The following GTF3C5 variants were observed in gnomAD, a reference collection of about 807,000 sequenced individuals.
The protein encoded by GTF3C5 is general transcription factor 3C polypeptide 5.
GTF3C5 carries 47 observed loss-of-function variants against 61.0 expected under a neutral mutation model. The observed-to-expected ratio is 0.77, with a 90% CI of 0.61 to 0.98. The LOEUF (loss-of-function observed/expected upper bound fraction) is 0.98. GTF3C5 is among the 50% of genes least tolerant of loss of function. The pLI is 0.00. For missense variants in GTF3C5, 659 were observed against 703.3 expected (o/e 0.94, Z 0.71); for synonymous variants, 295 against 275.4 (o/e 1.07, Z -0.71).
intron 2 of GTF3C5, among the ~76,000 whole-genome samples, chr9:133,042,941 G>A (rs559651032): frequency 1.4e-4 from 22 of 152,308 alleles, no homozygotes; most frequent in African/African-American, 3.1e-4. Context: ...TTAGGCCCTC[G>A]TGAAGATTCC....
intron 5 of GTF3C5, among the ~76,000 whole-genome samples, chr9:133,053,002 TTC>T (rs1850432253): frequency 6.6e-6 from 1 of 151,998 alleles, no homozygotes; most frequent in African/African-American, 2.4e-5. Flanking sequence ...CCAGCTAATT[TTC>T]TTTTTTTGCA....
chr9:133,043,974 A>G, intron 3 of GTF3C5, 48 bp downstream of exon 3: 1 of 1,431,258 alleles, frequency 7.0e-7, no homozygotes. Context: ...TGAAAATGGG[A>G]TGGTCCGGGC....
Position 133,043,880 on chromosome 9 carries a change from C to A in GTF3C5, c.526C>A (p.Leu176Met). Reference protein sequence around the residue: ...LYIPPPIFSRLDAPVDYFYRP... With the variant: ...LYIPPPIFSRMDAPVDYFYRP... Reference sequence around the variant, plus strand: ...CATCCCCCCACCCATCTTCTCCCGGCTGGACGCCCCGGTGGACTACTTCTA... The same window carrying A: ...CATCCCCCCACCCATCTTCTCCCGGATGGACGCCCCGGTGGACTACTTCTA... The change falls in exon 3 of 11, where the codon CTG becomes ATG. Residue 176 changes from leucine to methionine, a missense_variant. Transcript: ENST00000372097. The A allele has an allele frequency of 1.2e-6, 2 of 1,614,150 alleles. No homozygotes were observed. Among genetic ancestry groups the A allele is most frequent in the East Asian group, 4.5e-5 (2 of 44,880 alleles).
intron 5 of GTF3C5, 93 bp downstream of exon 5, chr9:133,052,257 C>T (rs888602674): frequency 1.6e-5 from 11 of 677,074 alleles, no homozygotes; most frequent in Non-Finnish European, 2.7e-5. Context: ...TAAGAGCAGC[C>T]AACCCCCTAT....
At position 133,056,096 on chromosome 9, in the gene GTF3C5, TA is replaced by T; in HGVS notation, c.1250+3del. On this transcript the variant is annotated splice_donor_region_variant and intron_variant, in intron 9 of 10. Coordinates refer to ENST00000372097, the MANE Select transcript of GTF3C5 (RefSeq NM_012087.4). The stretch of plus-strand genomic sequence containing the variant: ...GTTATGCGACTTGAATGTGGAAGAG[TA>T]CGTATGGGAGGGGCCCTGAGACACT... The T allele has an allele frequency of 6.2e-7, 1 of 1,613,090 alleles. No individual in the cohort carries two copies. The highest frequency in any genetic ancestry group is 1.1e-5 in the South Asian group (1 of 91,036).
At position 133,031,027 on chromosome 9, in the gene GTF3C5, G is replaced by C; in HGVS notation, c.16G>C (p.Ala6Pro). MAAEA[A>P]DLGLGAAVPV... Reference sequence around the variant, plus strand: ...ACGCACAGGGATGGCGGCGGAGGCGGCCGATTTGGGGCTGGGGGCCGCCGT... The same window carrying C: ...ACGCACAGGGATGGCGGCGGAGGCGCCCGATTTGGGGCTGGGGGCCGCCGT... Residue 6 changes from alanine (A) to proline (P), a missense_variant, in exon 1 of 11, where the codon GCC (alanine) becomes CCC (proline). By Grantham distance (27) the Ala-to-Pro change is conservative. Coordinates refer to ENST00000372097, the MANE Select transcript of GTF3C5 (RefSeq NM_012087.4). 1 of 1,612,158 alleles carries C rather than the reference G, an allele frequency of 6.2e-7. No homozygotes were observed. Among genetic ancestry groups the C allele is most frequent in the Non-Finnish European group, 8.5e-7 (1 of 1,179,144 alleles).
upstream of GTF3C5, chr9:133,030,985 C>G (rs200212860): frequency 1.2e-6 from 2 of 1,611,514 alleles, no homozygotes; most frequent in African/African-American, 1.3e-5. Flanking sequence ...GGGACGGACC[C>G]TGGCGGGCCC....
intron 4 of GTF3C5, 32 bp from the exon 5 acceptor site, chr9:133,052,028 C>A: frequency 1.7e-6 from 2 of 1,185,442 alleles, no homozygotes; most frequent in Non-Finnish European, 2.5e-6. Context: ...GCTGCTGGTG[C>A]TCATCTCAGC....
chr9:133,054,881 C>A (rs1487667407), intron 8 of GTF3C5, 72 bp downstream of exon 8: 2 of 1,537,128 alleles, frequency 1.3e-6, no homozygotes, highest in South Asian at 1.2e-5. Flanking sequence ...GTGGGTGACA[C>A]CTGGGGGGCT....
Position 133,057,886 on chromosome 9 carries a change from A to G in GTF3C5, c.1466A>G (p.Glu489Gly). ...ACGTACGAGTCTGGGGAAGACGAGG[A>G]GGATGAGGAGGAGGAGGAAGAGGAG... ...QLTYESGEDE[E>G]DEEEEEEEEE... The change falls in exon 11 of 11, where the codon GAG becomes GGG. Residue 489 changes from glutamate (E) to glycine (G), a missense_variant. Transcript: ENST00000372097. 1 of 1,613,648 alleles carries G rather than the reference A, an allele frequency of 6.2e-7. No homozygotes were observed. The highest frequency in any genetic ancestry group is 8.5e-7 in the Non-Finnish European group (1 of 1,179,852).
rs542900216 is a variant in GTF3C5 at position 133,040,558 on chromosome 9, A to G, written c.154-1529A>G. ...CTTGGGGTTTTTAAGGAGAGGGACCAAAAAGAGTGTTGGTATTCAGTTTCA... is the reference window on the plus strand; with the variant it reads ...CTTGGGGTTTTTAAGGAGAGGGACCGAAAAGAGTGTTGGTATTCAGTTTCA... On this transcript the variant is annotated intron_variant, in intron 1 of 10. Transcript: ENST00000372097. Among the ~76,000 whole-genome samples the G allele has an allele frequency of 2.5e-3, 376 of 152,374 alleles. 2 individuals carry two copies. The highest frequency in any genetic ancestry group is 5.6e-3 in the South Asian group (27 of 4,834).
Position 133,054,484 on chromosome 9 carries a change from G to A in GTF3C5, c.1065G>A (p.Lys355=). 6.2e-7 allele frequency: 1 copy of A among 1,614,036 alleles called. No individual in the cohort carries two copies. The highest frequency in any genetic ancestry group is 1.6e-4 in the Middle Eastern group (1 of 6,062). ...ACAGCCTCCCCATCACCGTCAAGAA[G>A]ACATGTAAGCGTGCCAGGCGCCTTT... ...YNYSLPITVK[K]TSSQLVTMHD... The change falls in exon 7 of 11, where the codon AAG becomes AAA. Residue 355 remains lysine, a synonymous_variant. Coordinates refer to ENST00000372097, the MANE Select transcript of GTF3C5 (RefSeq NM_012087.4).
At chr9:133,047,908 T>C (rs940010188) in intron 3 of GTF3C5, among the ~76,000 whole-genome samples, 1 of 152,216 alleles carries the variant, frequency 6.6e-6, no homozygotes, top group Non-Finnish European at 1.5e-5. Context: ...GAGGATCGCT[T>C]GAGCCCAGAA....
chr9:133,046,929 C>G (rs1478257999), intron 3 of GTF3C5, among the ~76,000 whole-genome samples: 1 of 152,086 alleles, frequency 6.6e-6, no homozygotes, highest in Non-Finnish European at 1.5e-5. Flanking sequence ...GAGTGAAGAC[C>G]AGTGCCTAGG....
Position 133,056,747 on chromosome 9 carries a change from A to C in GTF3C5, c.1251-19A>C, listed in dbSNP as rs751912315. ...ACCCGCCCTGGGACTTTATGTCCCA[A>C]CCCTCTCCCCACCCCCAGGTTGCAG... On this transcript the variant is annotated intron_variant, in intron 9 of 10. Transcript: ENST00000372097. 1.3e-6 allele frequency: 2 copies of C among 1,581,518 alleles called. No homozygotes were observed. Among genetic ancestry groups the C allele is most frequent in the African/African-American group, 2.7e-5 (2 of 73,780 alleles).
At chr9:133,052,233 T>C in intron 5 of GTF3C5, 69 bp downstream of exon 5, 1 of 818,080 alleles carries the variant, frequency 1.2e-6, no homozygotes. Context: ...TGCTGTGATG[T>C]CTTAGAGCCA....
chr9:133,034,504 C>T (rs1367263689), intron 1 of GTF3C5, among the ~76,000 whole-genome samples: 1 of 152,138 alleles, frequency 6.6e-6, no homozygotes, highest in East Asian at 1.9e-4. Flanking sequence ...GATTATTAAG[C>T]CCTTTTTAGG....
Position 133,043,812 on chromosome 9 carries a change from G to T in GTF3C5, c.458G>T (p.Arg153Leu). The stretch of plus-strand genomic sequence containing the variant: ...ATGTATGACAAGGTGCTCATGCTCC[G>T]GCCCGAGAAGGAGGCCTTTTTCCAC... ...TSMYDKVLML[R>L]PEKEAFFHQE... Residue 153 changes from arginine (R) to leucine (L), a missense_variant, in exon 3 of 11, where the codon CGG becomes CTG. Arg to Leu is a moderately radical substitution (Grantham distance 102). Coordinates refer to ENST00000372097, the MANE Select transcript of GTF3C5 (RefSeq NM_012087.4). The T allele has an allele frequency of 6.2e-7, 1 of 1,614,108 alleles. No homozygotes were observed. Among genetic ancestry groups the T allele is most frequent in the Non-Finnish European group, 8.5e-7 (1 of 1,179,988 alleles).
At position 133,037,096 on chromosome 9, in the gene GTF3C5, A is replaced by T. The variant is rs561142469; in HGVS notation, c.154-4991A>T. Among the ~76,000 whole-genome samples, 6 of 152,246 alleles carry T rather than the reference A, an allele frequency of 3.9e-5. No homozygotes were observed. In the East Asian group the frequency reaches 1.2e-3, roughly 29 times the overall value. On this transcript the variant is annotated intron_variant, in intron 1 of 10. Coordinates refer to ENST00000372097, the MANE Select transcript of GTF3C5 (RefSeq NM_012087.4). ...CCGAAGAGGTTAGAGGAGTCTGTGA[A>T]GTCTTGGGGGAGAACTGTCCGTCGA...
Sources: allele counts gnomAD v4.1 joint callset (sites outside exome capture counted in the v4.1 genomes callset), GRCh38; gene constraint gnomAD v4.1.1; transcripts MANE v1.5; gene names NCBI Gene and HGNC (gene_info 2026-07-23, HGNC 2026-07-21).